Variants in KIAA1217 observed in about 807,000 individuals in gnomAD.
The protein encoded by KIAA1217 is KIAA1217, also known as sickle tail protein homolog.
Under a neutral mutation model 163.9 loss-of-function variants are expected in KIAA1217, and 88 were observed. The observed-to-expected ratio is 0.54, with a 90% CI of 0.45 to 0.64. The LOEUF is 0.64. Ranked by LOEUF, KIAA1217 falls within the 30% of genes least tolerant of loss-of-function variation. The probability of loss-of-function intolerance (pLI) is 0.00; values close to 1 mark genes in which losing one functional copy is unlikely to be tolerated. For missense variants in KIAA1217, 2,372 were observed against 2,475.0 expected (o/e 0.96, Z 0.88); for synonymous variants, 903 against 923.1 (o/e 0.98, Z 0.39).
intron 1 of KIAA1217, among the ~76,000 whole-genome samples, chr10:23,804,421 A>G (rs1449132054): frequency 2.0e-5 from 3 of 152,222 alleles, no homozygotes; most frequent in Non-Finnish European, 2.9e-5. Context: ...CTGTATGAGT[A>G]CGGTCTAGGA....
chr10:24,248,885 T>C (rs974281832), intron 2 of KIAA1217, among the ~76,000 whole-genome samples: 2 of 152,170 alleles, frequency 1.3e-5, no homozygotes, highest in South Asian at 2.1e-4. Flanking sequence ...TTTTCTTTTA[T>C]AGCAAGACAA....
chr10:24,054,002 AG>A (rs1313161034), intron 2 of KIAA1217, among the ~76,000 whole-genome samples: 6 of 152,124 alleles, frequency 3.9e-5, no homozygotes, highest in Non-Finnish European at 1.5e-5. Flanking sequence ...GGAAAAAAAA[AG>A]TTTGTTCATG....
At position 24,257,278 on chromosome 10, in the gene KIAA1217, T is replaced by G. The variant is rs140970278; in HGVS notation, c.354+37369T>G. On this transcript the variant is annotated intron_variant, in intron 2 of 20. Transcript: ENST00000376454. ...TTGGGGGAATGGAAACAAAGATATTTACTAGAGAAGTGTTTGGCAAAAAGT... is the reference window on the plus strand; with the variant it reads ...TTGGGGGAATGGAAACAAAGATATTGACTAGAGAAGTGTTTGGCAAAAAGT... Among the ~76,000 whole-genome samples, 985 of 152,242 alleles carry G rather than the reference T, an allele frequency of 6.5e-3. 12 individuals carry two copies. Among genetic ancestry groups the G allele is most frequent in the African/African-American group, 0.023 (946 of 41,538 alleles).
rs1340661538 is a variant in KIAA1217 at position 24,245,148 on chromosome 10, A to G, written c.354+25239A>G. Among the ~76,000 whole-genome samples, 12 of 152,004 alleles carry G rather than the reference A, an allele frequency of 7.9e-5. No individual in the cohort carries two copies. The South Asian group carries it at 2.3e-3, about 29-fold the overall frequency. On this transcript the variant is annotated intron_variant, in intron 2 of 20. Coordinates refer to ENST00000376454, the MANE Select transcript of KIAA1217 (RefSeq NM_019590.5). ...ATGGCGGTCTAACTTCGCACCCCCT[A>G]TTTGTCACTTCATAGCACTCTTCAC...
At chr10:23,790,098 CAT>C (rs1454281895) in intron 1 of KIAA1217, among the ~76,000 whole-genome samples, 3 of 96,456 alleles carry the variant, frequency 3.1e-5, no homozygotes, top group African/African-American at 1.4e-4. Context: ...TGCATATACA[CAT>C]ATACACATAT....
intron 6 of KIAA1217, among the ~76,000 whole-genome samples, chr10:24,484,867 G>A (rs2065186654): frequency 1.3e-5 from 2 of 152,166 alleles, no homozygotes; most frequent in South Asian, 4.1e-4. Context: ...TCTGAGGGGG[G>A]TTGTGTCCTT....
At chr10:23,934,338 A>G (rs1282742729) in intron 1 of KIAA1217, among the ~76,000 whole-genome samples, 1 of 151,000 alleles carries the variant, frequency 6.6e-6, no homozygotes, top group African/African-American at 2.4e-5. Context: ...CATTGAGAAC[A>G]CACGGACAGG....
intron 10 of KIAA1217, among the ~76,000 whole-genome samples, chr10:24,517,172 T>TA (rs34657439): frequency 3.1e-3 from 444 of 141,788 alleles, no homozygotes; most frequent in Middle Eastern, 7.6e-3. Flanking sequence ...AAAACCCTGT[T>TA]AAAAAAAAAA....
At chr10:24,354,585 C>G (rs191691543) in intron 2 of KIAA1217, among the ~76,000 whole-genome samples, 11 of 152,268 alleles carry the variant, frequency 7.2e-5, no homozygotes, top group African/African-American at 2.4e-4. Flanking sequence ...ATGGTAAATG[C>G]GGGGGATTTT....
intron 3 of KIAA1217, among the ~76,000 whole-genome samples, chr10:24,417,728 A>C (rs2058381320): frequency 6.6e-6 from 1 of 152,158 alleles, no homozygotes; most frequent in Non-Finnish European, 1.5e-5. Context: ...GGCTTTATGG[A>C]ATCTAAGCAT....
intron 1 of KIAA1217, among the ~76,000 whole-genome samples, chr10:23,833,298 C>G (rs1394075763): frequency 1.3e-5 from 2 of 151,980 alleles, no homozygotes; most frequent in African/African-American, 4.8e-5. Flanking sequence ...CAAGCTTCAT[C>G]CCCTCACAAC....
At chr10:24,358,019 C>G (rs532323518) in intron 2 of KIAA1217, among the ~76,000 whole-genome samples, 3 of 133,504 alleles carry the variant, frequency 2.2e-5, no homozygotes, top group Admixed American at 7.4e-5. Context: ...AGGGGGTAAG[C>G]CCCCAAATCA....
intron 2 of KIAA1217, among the ~76,000 whole-genome samples, chr10:24,064,827 T>C (rs908733729): frequency 6.6e-6 from 1 of 152,228 alleles, no homozygotes; most frequent in African/African-American, 2.4e-5. Flanking sequence ...GAGCCTGTTA[T>C]TGGTCTATTC....
At chr10:24,165,516 G>A (rs1461833427) in intron 2 of KIAA1217, among the ~76,000 whole-genome samples, 1 of 152,148 alleles carries the variant, frequency 6.6e-6, no homozygotes, top group East Asian at 1.9e-4. Flanking sequence ...GAATGGAGGT[G>A]GAGGTGGAGG....
At chr10:23,701,305 T>C (rs1257434939) in intron 1 of KIAA1217, among the ~76,000 whole-genome samples, 4 of 152,194 alleles carry the variant, frequency 2.6e-5, no homozygotes, top group Admixed American at 1.3e-4. Flanking sequence ...AATAAATGCA[T>C]TTATCTCTCC....
chr10:23,855,395 G>C (rs959759843), intron 1 of KIAA1217, among the ~76,000 whole-genome samples: 1 of 152,210 alleles, frequency 6.6e-6, no homozygotes, highest in African/African-American at 2.4e-5. Context: ...CTGTTAGTCT[G>C]ATGGGATTCC....
intron 2 of KIAA1217, among the ~76,000 whole-genome samples, chr10:24,286,009 G>C (rs2078505192): frequency 6.6e-6 from 1 of 152,108 alleles, no homozygotes; most frequent in South Asian, 2.1e-4. Flanking sequence ...TTGGCTCTCA[G>C]CTTGAATGTT....
chr10:24,384,590 G>A (rs1197953905), intron 3 of KIAA1217, among the ~76,000 whole-genome samples: 1 of 152,226 alleles, frequency 6.6e-6, no homozygotes, highest in African/African-American at 2.4e-5. Flanking sequence ...AGGCTGGAGT[G>A]CAGTGGAACG....
At chr10:24,524,220 G>A in intron 12 of KIAA1217, 103 bp from the exon 13 acceptor site, 1 of 1,225,272 alleles carries the variant, frequency 8.2e-7, no homozygotes, top group Non-Finnish European at 1.2e-6. Flanking sequence ...CTGAGCTTTG[G>A]GATGTGTGAC....
Sources: gnomAD v4.1 joint callset for allele counts (sites outside exome capture counted in the v4.1 genomes callset) on GRCh38, gnomAD v4.1.1 for gene constraint, MANE v1.5 for transcripts, NCBI Gene and HGNC (gene_info 2026-07-23, HGNC 2026-07-21) for gene names.